Variants in RPS6KA2 observed in about 807,000 individuals in gnomAD.
The protein encoded by RPS6KA2 is ribosomal protein S6 kinase alpha-2.
Under a neutral mutation model 91.8 loss-of-function variants are expected in RPS6KA2, and 42 were observed. The observed-to-expected ratio is 0.46, with a 90% CI of 0.36 to 0.59. The LOEUF is 0.59. Ranked by LOEUF, RPS6KA2 falls within the 20% of genes least tolerant of loss-of-function variation. The pLI, the probability that RPS6KA2 is intolerant of heterozygous loss-of-function variation, is 0.00. For synonymous variants in RPS6KA2, 414 were observed against 393.6 expected (o/e 1.05, Z -0.61); for missense variants, 798 against 978.5 (o/e 0.82, Z 2.46).
At chr6:166,582,255 G>T (rs1785045939) in intron 1 of RPS6KA2, among the ~76,000 whole-genome samples, 1 of 152,194 alleles carries the variant, frequency 6.6e-6, no homozygotes, top group African/African-American at 2.4e-5. Flanking sequence ...GAGCACAGTG[G>T]CCACTGAAAG....
intron 11 of RPS6KA2, among the ~76,000 whole-genome samples, chr6:166,464,865 G>A (rs1780462206): frequency 6.6e-6 from 1 of 152,162 alleles, no homozygotes; most frequent in Non-Finnish European, 1.5e-5. Flanking sequence ...CATCTCTGAA[G>A]CTAAATTAAA....
chr6:166,664,432 T>C (rs915591922), intron 2 of RPS6KA2, among the ~76,000 whole-genome samples: 1 of 152,242 alleles, frequency 6.6e-6, no homozygotes, highest in African/African-American at 2.4e-5. Context: ...CACTGAAATA[T>C]ACACTCAACA....
intron 2 of RPS6KA2, among the ~76,000 whole-genome samples, chr6:166,803,549 A>C (rs556249542): frequency 6.6e-6 from 1 of 152,228 alleles, no homozygotes; most frequent in Non-Finnish European, 1.5e-5. Flanking sequence ...CCGTGTCAGG[A>C]GTCTAAACGG....
At chr6:166,486,271 T>C (rs2344710) in intron 10 of RPS6KA2, among the ~76,000 whole-genome samples, 17,629 of 74,284 alleles carry the variant, frequency 0.24, 1,122 homozygotes, top group Admixed American at 0.3. Context: ...CACACACACA[T>C]GTGCACGCAC....
chr6:166,535,608 G>A (rs1038354874), intron 2 of RPS6KA2, among the ~76,000 whole-genome samples: 1 of 152,192 alleles, frequency 6.6e-6, no homozygotes, highest in South Asian at 2.1e-4. Context: ...GTGAGGAGGT[G>A]GGACCAGGGC....
intron 19 of RPS6KA2, among the ~76,000 whole-genome samples, chr6:166,417,010 C>G (rs140769521): frequency 6.6e-6 from 1 of 152,218 alleles, no homozygotes; most frequent in Non-Finnish European, 1.5e-5. Flanking sequence ...AGCCCTTTTA[C>G]ATGAACACGG....
chr6:166,802,687 A>C (rs1779398336), intron 2 of RPS6KA2, among the ~76,000 whole-genome samples: 1 of 152,302 alleles, frequency 6.6e-6, no homozygotes, highest in Non-Finnish European at 1.5e-5. Context: ...AAACCAGTTG[A>C]TCTGTCCAGG....
chr6:166,824,821 G>GTCTA (rs796106280), intron 2 of RPS6KA2, among the ~76,000 whole-genome samples: 53 of 146,254 alleles, frequency 3.6e-4, no homozygotes, highest in East Asian at 1.2e-3. Flanking sequence ...GTGTCTGTGT[G>GTCTA]TGTCTGTGTG....
chr6:166,685,565 TAC>T (rs943844921), intron 2 of RPS6KA2, among the ~76,000 whole-genome samples: 20 of 152,126 alleles, frequency 1.3e-4, no homozygotes, highest in African/African-American at 4.1e-4. Context: ...GTTGTTGGAG[TAC>T]AGTTTCATTC....
chr6:166,806,837 T>C (rs1225534186), intron 2 of RPS6KA2, among the ~76,000 whole-genome samples: 2 of 152,106 alleles, frequency 1.3e-5, no homozygotes, highest in South Asian at 2.1e-4. Flanking sequence ...ACAAAATACA[T>C]AAAGATGTGA....
At chr6:166,759,082 T>TGTGC (rs1778099709) in intron 2 of RPS6KA2, among the ~76,000 whole-genome samples, 1 of 107,662 alleles carries the variant, frequency 9.3e-6, no homozygotes, top group African/African-American at 3.0e-5. Context: ...TGTGTGTGTG[T>TGTGC]GCACATGTGT....
chr6:166,461,327 T>C (rs751543039), intron 11 of RPS6KA2, among the ~76,000 whole-genome samples: 3 of 152,040 alleles, frequency 2.0e-5, no homozygotes, highest in Non-Finnish European at 4.4e-5. Flanking sequence ...CAGACACATG[T>C]GCTTGCCTGA....
At chr6:166,538,897 G>A (rs1016960780) in intron 1 of RPS6KA2, 113 bp from the exon 2 acceptor site, 13 of 594,762 alleles carry the variant, frequency 2.2e-5, no homozygotes, top group Admixed American at 9.4e-5. Context: ...AGATTTTAGC[G>A]CTGGAGTTTG....
chr6:166,667,871 C>G (rs1788359048), intron 2 of RPS6KA2, among the ~76,000 whole-genome samples: 1 of 152,170 alleles, frequency 6.6e-6, no homozygotes, highest in South Asian at 2.1e-4. Flanking sequence ...CCAGTGCCTG[C>G]CAGACTCTGA....
chr6:166,524,027 G>A (rs145009271), intron 3 of RPS6KA2, among the ~76,000 whole-genome samples: 24 of 152,232 alleles, frequency 1.6e-4, no homozygotes, highest in Admixed American at 9.8e-4. Flanking sequence ...TGGCAAGCTC[G>A]GACTGTGCTG....
intron 2 of RPS6KA2, among the ~76,000 whole-genome samples, chr6:166,777,715 TAC>T (rs1778662228): frequency 6.6e-6 from 1 of 152,198 alleles, no homozygotes; most frequent in African/African-American, 2.4e-5. Flanking sequence ...CAAGAGAATC[TAC>T]AGAGAATTTA....
chr6:166,738,038 A>G (rs1790716250), intron 2 of RPS6KA2, among the ~76,000 whole-genome samples: 1 of 152,250 alleles, frequency 6.6e-6, no homozygotes, highest in Admixed American at 6.5e-5. Context: ...TTTAAATTAA[A>G]GTACTATTTT....
intron 1 of RPS6KA2, among the ~76,000 whole-genome samples, chr6:166,546,602 T>C (rs1397051148): frequency 6.6e-6 from 1 of 151,846 alleles, no homozygotes; most frequent in Non-Finnish European, 1.5e-5. Context: ...ATAAACTACA[T>C]CATCAGTATA....
intron 2 of RPS6KA2, among the ~76,000 whole-genome samples, chr6:166,798,128 C>T (rs576670146): frequency 1.3e-5 from 2 of 152,318 alleles, no homozygotes; most frequent in South Asian, 4.1e-4. Flanking sequence ...TTCCACCATT[C>T]GCCCTCAGTG....
Sources: gnomAD v4.1 joint callset for allele counts (sites outside exome capture counted in the v4.1 genomes callset) on GRCh38, gnomAD v4.1.1 for gene constraint, MANE v1.5 for transcripts, NCBI Gene and HGNC (gene_info 2026-07-23, HGNC 2026-07-21) for gene names.